HAVCR1: variants seen among roughly 807,000 people sequenced by gnomAD.
HAVCR1 encodes T cell immunoglobin domain and mucin domain protein 1.
Under a neutral mutation model 32.0 loss-of-function variants are expected in HAVCR1, and 34 were observed. That is an observed-to-expected ratio of 1.06 (90% CI 0.81 to 1.42). The LOEUF (loss-of-function observed/expected upper bound fraction) is 1.42. Ranked by LOEUF, HAVCR1 falls within the 40% of genes most tolerant of loss-of-function variation. The pLI is 0.00. For synonymous variants in HAVCR1, 178 were observed against 170.3 expected, an observed-to-expected ratio of 1.05 and a Z score of -0.35; for missense variants, 420 against 442.3, an observed-to-expected ratio of 0.95 and a Z score of 0.45.
At chr5:157,044,733 G>A (rs1755273316) in intron 5 of HAVCR1, among the ~76,000 whole-genome samples, 2 of 152,032 alleles carry the variant, frequency 1.3e-5, no homozygotes, top group African/African-American at 4.8e-5. Flanking sequence ...GCAATATGTA[G>A]GTTTATGCAA....
intron 7 of HAVCR1, among the ~76,000 whole-genome samples, chr5:157,033,638 C>G (rs1050983992): frequency 1.3e-5 from 2 of 152,078 alleles, no homozygotes; most frequent in African/African-American, 4.8e-5. Flanking sequence ...CTAGAGCTGA[C>G]AACACATCCA....
intron 6 of HAVCR1, among the ~76,000 whole-genome samples, chr5:157,038,472 T>C (rs1437397511): frequency 1.3e-5 from 2 of 152,234 alleles, no homozygotes; most frequent in African/African-American, 4.8e-5. Flanking sequence ...TTAGTCACTA[T>C]GTGACCATGG....
Position 157,055,468 on chromosome 5 carries a change from A to G in HAVCR1, c.112T>C (p.Tyr38His), listed in dbSNP as rs948562287. The change falls in exon 3 of 9, where the codon TAC (tyrosine) becomes CAC (histidine). Residue 38 changes from tyrosine (Y) to histidine (H), a missense_variant. Tyr to His is a moderately conservative substitution (Grantham distance 83, BLOSUM62 2). Transcript: ENST00000523175. ...AGPSVTLPCH[Y>H]SGAVTSMCWN... is the part of the protein sequence containing the mutation. Reference sequence around the variant, plus strand: ...CACATGGATGTGACAGCTCCACTGTAGTGGCAGGGTAGTGTGACAGATGGA... The same window carrying G: ...CACATGGATGTGACAGCTCCACTGTGGTGGCAGGGTAGTGTGACAGATGGA... 2 of 1,610,480 alleles carry G rather than the reference A, an allele frequency of 1.2e-6. No individual in the cohort carries two copies. Among genetic ancestry groups the G allele is most frequent in the Non-Finnish European group, 1.7e-6 (2 of 1,177,034 alleles).
chr5:157,059,032 A>G lies in HAVCR1; in HGVS notation c.-124T>C, dbSNP rs1167827953. The G allele has an allele frequency of 3.9e-5, 6 of 152,116 alleles. No homozygotes were observed. Among genetic ancestry groups the G allele is most frequent in the African/African-American group, 1.2e-4 (5 of 41,424 alleles). The allele number at this position is 152,116 out of a possible 1,614,324, so 9.4% of individuals were successfully genotyped here. A position where few individuals can be genotyped will look rare whatever the true frequency, so the allele number is the denominator to read the frequency against. On this transcript the variant is annotated 5_prime_UTR_variant, in exon 1 of 9. Coordinates refer to ENST00000523175, the MANE Select transcript of HAVCR1 (RefSeq NM_001173393.3). ...AAATAGCACTAAAAATGCTTCCTCT[A>G]TCTCCCACCAAGGATTGATATAATA...
Position 157,057,917 on chromosome 5 carries a change from G to T in HAVCR1, c.27C>A (p.Ser9Arg), listed in dbSNP as rs1401715020. MHPQVVIL[S>R]LILHLADSVA... ...ACTTACCTGCCAGATGTAGGATGAG[G>T]CTTAAGATGACCACTTGAGGATGCA... is the stretch of plus-strand genomic sequence containing the variant. The change falls in exon 2 of 9, where the codon AGC becomes AGA. Residue 9 changes from serine (S) to arginine (R), a missense_variant. Coordinates refer to ENST00000523175, the MANE Select transcript of HAVCR1 (RefSeq NM_001173393.3). The T allele has an allele frequency of 6.2e-7, 1 of 1,613,626 alleles. No homozygotes were observed. Among genetic ancestry groups the T allele is most frequent in the Non-Finnish European group, 8.5e-7 (1 of 1,179,772 alleles).
intron 5 of HAVCR1, among the ~76,000 whole-genome samples, chr5:157,044,664 AGAAAGAAAGAAAGGAG>A (rs1561591576): frequency 2.3e-5 from 3 of 128,170 alleles, no homozygotes; most frequent in Admixed American, 1.5e-4. Context: ...AAAGAAAGAA[AGAAAGAAAGAAAGGAG>A]GGAGGGAGGA....
chr5:157,046,845 A>G (rs892483865), intron 5 of HAVCR1, among the ~76,000 whole-genome samples: 1 of 152,168 alleles, frequency 6.6e-6, no homozygotes, highest in Non-Finnish European at 1.5e-5. Context: ...TTATAAGAGC[A>G]TTGATTCCAT....
intron 1 of HAVCR1, among the ~76,000 whole-genome samples, 156 bp downstream of exon 1, chr5:157,058,765 A>C (rs1224506297): frequency 6.6e-6 from 1 of 152,158 alleles, no homozygotes; most frequent in South Asian, 2.1e-4. Context: ...TAACAGTCAT[A>C]TTGCCAAGTT....
At chr5:157,057,853 C>G (rs545225119) in intron 2 of HAVCR1, 45 bp downstream of exon 2, 27 of 1,470,576 alleles carry the variant, frequency 1.8e-5, no homozygotes, top group African/African-American at 4.2e-5. Context: ...GGCTTCTAAC[C>G]CCCCTCTACT....
At chr5:157,057,302 T>G (rs571618605) in intron 2 of HAVCR1, among the ~76,000 whole-genome samples, 7 of 140,752 alleles carry the variant, frequency 5.0e-5, no homozygotes, top group African/African-American at 1.9e-4. Flanking sequence ...GGCGACAGAG[T>G]GAGACTCTGT....
At chr5:157,046,749 G>A (rs1215460412) in intron 5 of HAVCR1, among the ~76,000 whole-genome samples, 1 of 151,990 alleles carries the variant, frequency 6.6e-6, no homozygotes, top group African/African-American at 2.4e-5. Context: ...ATGGGGGAAG[G>A]GTCAAACAAG....
intron 5 of HAVCR1, among the ~76,000 whole-genome samples, chr5:157,044,627 A>G (rs867056872): frequency 1.6e-5 from 1 of 61,538 alleles, no homozygotes; most frequent in African/African-American, 5.7e-5. Flanking sequence ...GAAAGAAAGA[A>G]AGAAAGAAAG....
the HAVCR1 span, among the ~76,000 whole-genome samples, chr5:157,065,247 A>G: frequency 2.0e-5 from 3 of 151,636 alleles, no homozygotes; most frequent in Non-Finnish European, 4.4e-5. Flanking sequence ...TGAACCTGGG[A>G]GGCGGAGCTT....
intron 5 of HAVCR1, among the ~76,000 whole-genome samples, chr5:157,045,460 A>G (rs1023679927): frequency 6.6e-6 from 1 of 152,162 alleles, no homozygotes; most frequent in Non-Finnish European, 1.5e-5. Flanking sequence ...GATAGATACT[A>G]TGCAATGCAC....
intron 5 of HAVCR1, among the ~76,000 whole-genome samples, chr5:157,048,527 T>A (rs1391212485): frequency 6.6e-6 from 1 of 152,154 alleles, no homozygotes; most frequent in Non-Finnish European, 1.5e-5. Context: ...TGGTATTACA[T>A]CCTTTTTACA....
At chr5:157,061,622 G>A (rs557789956), upstream of HAVCR1, among the ~76,000 whole-genome samples, 11 of 151,858 alleles carry the variant, frequency 7.2e-5, no homozygotes, top group South Asian at 6.3e-4. Flanking sequence ...CAAGAGAATC[G>A]CCTGAACCCG....
chr5:157,037,192 A>C (rs993181780), intron 7 of HAVCR1, 55 bp downstream of exon 7: 21 of 848,934 alleles, frequency 2.5e-5, no homozygotes, highest in Non-Finnish European at 4.1e-5. Context: ...TAGTGAACCC[A>C]GGCAATTTTG....
chr5:157,032,068 A>G (rs1031968279), intron 8 of HAVCR1, among the ~76,000 whole-genome samples: 1 of 152,204 alleles, frequency 6.6e-6, no homozygotes, highest in South Asian at 2.1e-4. Context: ...ATCCTGTTCT[A>G]TAGTCCCCAT....
At chr5:157,065,830 G>GA in the HAVCR1 span, among the ~76,000 whole-genome samples, 2 of 150,908 alleles carry the variant, frequency 1.3e-5, no homozygotes, top group East Asian at 2.0e-4. Context: ...ACTCCAGCTT[G>GA]AGTGACAGAG....
Sources: gnomAD v4.1 joint callset for allele counts (sites outside exome capture counted in the v4.1 genomes callset) on GRCh38, gnomAD v4.1.1 for gene constraint, MANE v1.5 for transcripts, NCBI Gene and HGNC (gene_info 2026-07-23, HGNC 2026-07-21) for gene names.